The following SDCCAG8 variants were observed in gnomAD, a reference collection of about 807,000 sequenced individuals.
SDCCAG8 encodes serologically defined colon cancer antigen 8.
SDCCAG8 carries 74 observed loss-of-function variants against 101.8 expected under a neutral mutation model. That is an observed-to-expected ratio of 0.73 (90% CI 0.60 to 0.88). The LOEUF is 0.88. Among genes scored for constraint, SDCCAG8 ranks in the 40% least tolerant of loss-of-function variants. SDCCAG8 has a pLI of 0.00. For missense variants in SDCCAG8, 787 were observed against 822.6 expected (o/e 0.96, Z 0.53); for synonymous variants, 281 against 292.9 (o/e 0.96, Z 0.41).
intron 8 of SDCCAG8, among the ~76,000 whole-genome samples, chr1:243,315,729 T>C (rs2073174393): frequency 6.6e-6 from 1 of 152,190 alleles, no homozygotes; most frequent in Non-Finnish European, 1.5e-5. Context: ...AACTTGCTAA[T>C]TAAAAAAAAA....
intron 12 of SDCCAG8, among the ~76,000 whole-genome samples, chr1:243,356,420 C>T (rs200078593): frequency 3.9e-5 from 5 of 128,388 alleles, no homozygotes; most frequent in African/African-American, 9.4e-5. Flanking sequence ...AAAGTAGTGG[C>T]GGGGGGGTGG....
intron 16 of SDCCAG8, among the ~76,000 whole-genome samples, chr1:243,428,378 TCC>T (rs2081484104): frequency 2.0e-5 from 3 of 152,192 alleles, no homozygotes; most frequent in Non-Finnish European, 4.4e-5. Context: ...GGAGTATACA[TCC>T]TTATAGGGAA....
chr1:243,478,907 G>A (rs551307163), intron 16 of SDCCAG8, among the ~76,000 whole-genome samples: 105 of 146,294 alleles, frequency 7.2e-4, no homozygotes, highest in African/African-American at 2.4e-3. Context: ...GCAGTGGGCC[G>A]AGGTTGTGCC....
At chr1:243,271,114 T>C (rs2068048250) in intron 3 of SDCCAG8, 51 bp downstream of exon 3, 1 of 1,298,184 alleles carries the variant, frequency 7.7e-7, no homozygotes, top group Non-Finnish European at 1.1e-6. Flanking sequence ...TTTTACTGTA[T>C]TGTGTTATTT....
intron 12 of SDCCAG8, among the ~76,000 whole-genome samples, chr1:243,357,436 A>G (rs1378034197): frequency 6.6e-6 from 1 of 152,188 alleles, no homozygotes; most frequent in Non-Finnish European, 1.5e-5. Flanking sequence ...TCCTATTTCA[A>G]TGGCCACATA....
chr1:243,340,946 G>A, intron 10 of SDCCAG8, 93 bp from the exon 11 acceptor site: 1 of 1,309,366 alleles, frequency 7.6e-7, no homozygotes, highest in Non-Finnish European at 1.1e-6. Flanking sequence ...ACAGAGCCCA[G>A]TGACTATGCT....
At chr1:243,423,144 AAAAC>A (rs1473999613) in intron 15 of SDCCAG8, among the ~76,000 whole-genome samples, 2 of 152,190 alleles carry the variant, frequency 1.3e-5, no homozygotes, top group Non-Finnish European at 1.5e-5. Flanking sequence ...AACAAAGAAA[AAAAC>A]AAAAATGTGA....
intron 17 of SDCCAG8, 143 bp downstream of exon 17, chr1:243,489,283 G>C: frequency 8.6e-7 from 1 of 1,161,322 alleles, no homozygotes; most frequent in Non-Finnish European, 1.2e-6. Flanking sequence ...GACTGTGCTG[G>C]GCACAGTGCA....
At chr1:243,385,233 T>A (rs2078202459) in intron 13 of SDCCAG8, among the ~76,000 whole-genome samples, 1 of 151,544 alleles carries the variant, frequency 6.6e-6, no homozygotes, top group African/African-American at 2.4e-5. Flanking sequence ...CCACAAAAAA[T>A]ACAAACATTA....
chr1:243,380,683 T>G lies in SDCCAG8; in HGVS notation c.1616+1820T>G, dbSNP rs781016726. ...GGTTTTGCTTGGTTCCATAGAAAGC[T>G]TTTTTTTTTTGTTGAGCTTTATTTA... On this transcript the variant is annotated intron_variant, in intron 13 of 17. Coordinates refer to ENST00000366541, the MANE Select transcript of SDCCAG8 (RefSeq NM_006642.5). Among the ~76,000 whole-genome samples, 197 of 143,232 alleles carry G rather than the reference T, an allele frequency of 1.4e-3. 1 individual carries two copies. Among genetic ancestry groups the G allele is most frequent in the Non-Finnish European group, 2.5e-3 (160 of 64,926 alleles). The allele number at this position is 143,232 out of a possible 152,430, so 94.0% of individuals were successfully genotyped here. A position where few individuals can be genotyped will look rare whatever the true frequency, so the allele number is the denominator to read the frequency against.
At chr1:243,384,881 C>A (rs532793734) in intron 13 of SDCCAG8, among the ~76,000 whole-genome samples, 6 of 152,192 alleles carry the variant, frequency 3.9e-5, no homozygotes, top group Non-Finnish European at 8.8e-5. Flanking sequence ...CTGCTTTCTT[C>A]CAGTTATTAC....
In SDCCAG8 at chr1:243,274,657, G is replaced by T; in HGVS notation, c.420+1G>T. On this transcript the variant is annotated splice_donor_variant, in intron 4 of 17. Transcript: ENST00000366541. LOFTEE classifies it high-confidence loss of function. ...AGAGGCAGAAGTTAAGTTCTGCAAG[G>T]TAAGTTTCTCATTAAGAATTTAAAA... 1 of 1,520,782 alleles carries T rather than the reference G, an allele frequency of 6.6e-7. No individual in the cohort carries two copies. The highest frequency in any genetic ancestry group is 9.1e-7 in the Non-Finnish European group (1 of 1,096,492). 94.2% of individuals were successfully genotyped at this position (1,520,782 alleles called of 1,614,324 possible).
rs908069122 is a variant in SDCCAG8 at position 243,469,540 on chromosome 1, C to A, written c.1986-19474C>A. Among the ~76,000 whole-genome samples the A allele has an allele frequency of 2.0e-5, 3 of 152,102 alleles. No individual in the cohort carries two copies. In the South Asian group the frequency reaches 6.2e-4, roughly 32 times the overall value. On this transcript the variant is annotated intron_variant, in intron 16 of 17. Transcript: ENST00000366541. ...ATTTTCAGTGCTTTTTCAGTCACTCCTCATGTTTTTACATTTCAGTTACAT... is the reference window on the plus strand; with the variant it reads ...ATTTTCAGTGCTTTTTCAGTCACTCATCATGTTTTTACATTTCAGTTACAT...
At chr1:243,315,829 T>C (rs1173019769) in intron 8 of SDCCAG8, among the ~76,000 whole-genome samples, 1 of 152,266 alleles carries the variant, frequency 6.6e-6, no homozygotes, top group Non-Finnish European at 1.5e-5. Context: ...AACCGTGGTT[T>C]AGTCTTCAAC....
intron 10 of SDCCAG8, among the ~76,000 whole-genome samples, chr1:243,336,333 G>C (rs1282759796): frequency 6.6e-6 from 1 of 152,064 alleles, no homozygotes; most frequent in African/African-American, 2.4e-5. Flanking sequence ...GTGTGAAATG[G>C]GATCTCATTG....
chr1:243,302,013 T>G (rs2071560795), intron 6 of SDCCAG8, among the ~76,000 whole-genome samples: 1 of 152,058 alleles, frequency 6.6e-6, no homozygotes, highest in Admixed American at 6.6e-5. Flanking sequence ...TTTGGGAGGC[T>G]GAGGTGGGCG....
At chr1:243,383,419 A>T (rs1466669381) in intron 13 of SDCCAG8, among the ~76,000 whole-genome samples, 1 of 152,208 alleles carries the variant, frequency 6.6e-6, no homozygotes, top group African/African-American at 2.4e-5. Context: ...GTTTCCTTCC[A>T]GTTCTGATAA....
rs376713771 is a variant in SDCCAG8 at position 243,256,263 on chromosome 1, C to G, written c.67+23C>G. 110 of 1,609,572 alleles carry G rather than the reference C, an allele frequency of 6.8e-5. 3 individuals carry two copies. In the South Asian group the frequency reaches 1.2e-3, roughly 17 times the overall value. ...GGGGTGAGTTGCTCCAAACCTCTGT[C>G]CCTAGCCCCGAGGTGCCCAGGGCCT... On this transcript the variant is annotated intron_variant, in intron 1 of 17. Coordinates refer to ENST00000366541, the MANE Select transcript of SDCCAG8 (RefSeq NM_006642.5).
intron 17 of SDCCAG8, 103 bp from the exon 18 acceptor site, chr1:243,499,653 A>G (rs1669016074): frequency 1.0e-6 from 1 of 954,702 alleles, no homozygotes; most frequent in Non-Finnish European, 1.7e-6. Context: ...TTTTTCTCCA[A>G]CAACAGTTTT....
Sources: allele counts gnomAD v4.1 joint callset (sites outside exome capture counted in the v4.1 genomes callset), GRCh38; gene constraint gnomAD v4.1.1; transcripts MANE v1.5; gene names NCBI Gene and HGNC (gene_info 2026-07-23, HGNC 2026-07-21).